The following HERC2 variants were observed in gnomAD, a reference collection of about 807,000 sequenced individuals.
HERC2 encodes HECT and RLD domain containing E3 ubiquitin protein ligase 2, also known as E3 ubiquitin-protein ligase HERC2.
A neutral mutation model predicts 537.7 loss-of-function variants in HERC2; 102 were observed. That is an observed-to-expected ratio of 0.19 (90% CI 0.16 to 0.22). The LOEUF (loss-of-function observed/expected upper bound fraction) is 0.22, where lower values mean the gene tolerates loss of function less well. Ranked by LOEUF, HERC2 falls within the 10% of genes least tolerant of loss-of-function variation. The pLI, the probability that HERC2 is intolerant of heterozygous loss-of-function variation, is 1.00. For missense variants in HERC2, 4,236 were observed against 6,198.2 expected, an observed-to-expected ratio of 0.68 and a Z score of 10.63; for synonymous variants, 2,224 against 2,466.2, an observed-to-expected ratio of 0.90 and a Z score of 2.91.
intron 5 of HERC2, among the ~76,000 whole-genome samples, chr15:28,275,644 GA>G (rs957576554): frequency 6.6e-6 from 1 of 152,124 alleles, no homozygotes; most frequent in African/African-American, 2.4e-5. Flanking sequence ...GTACAAGAGA[GA>G]AAAGGCTAGA....
At chr15:28,303,379 C>T (rs1596445450) in intron 2 of HERC2, among the ~76,000 whole-genome samples, 1 of 152,086 alleles carries the variant, frequency 6.6e-6, no homozygotes, top group Admixed American at 6.5e-5. Context: ...TGTTTTTATA[C>T]CAGTACCATG....
intron 69 of HERC2, among the ~76,000 whole-genome samples, chr15:28,155,447 C>T (rs571123054): frequency 9.2e-5 from 14 of 152,168 alleles, no homozygotes; most frequent in Non-Finnish European, 1.5e-4. Flanking sequence ...GACTTTTTAA[C>T]GATCGCCATT....
In HERC2 at chr15:28,310,949, C is replaced by T. The variant is rs182260337; in HGVS notation, c.72+10413G>A. 1.5e-3 allele frequency among the ~76,000 whole-genome samples: 231 copies of T among 151,938 alleles called. 3 individuals are homozygous for T. Among genetic ancestry groups the T allele is most frequent in the African/African-American group, 5.2e-3 (216 of 41,460 alleles). ...AAAATTAGCCAGGTGAGGTGGCACG[C>T]ACCTATAGTCCCAGCTACTCGGGAG... On this transcript the variant is annotated intron_variant, in intron 2 of 92. Coordinates refer to ENST00000261609, the MANE Select transcript of HERC2 (RefSeq NM_004667.6).
At chr15:28,317,779 A>G (rs1320983201) in intron 2 of HERC2, among the ~76,000 whole-genome samples, 1 of 152,236 alleles carries the variant, frequency 6.6e-6, no homozygotes, top group Non-Finnish European at 1.5e-5. Context: ...CATTGTACCA[A>G]CTTCAATTTC....
rs140684385 is a variant in HERC2, at chr15:28,285,548, G to A, written c.323-5261C>T. Among the ~76,000 whole-genome samples the A allele has an allele frequency of 1.1e-4, 16 of 151,920 alleles. No individual in the cohort carries two copies. The East Asian group carries it at 3.1e-3, about 29-fold the overall frequency. On this transcript the variant is annotated intron_variant, in intron 4 of 92. Transcript: ENST00000261609. ...AAATGCATGGGAAAGAGCTACAGTG[G>A]GTGATGAGAAATTTACAGCACTAAA... is the stretch of plus-strand genomic sequence containing the variant.
chr15:28,188,271 G>A (rs1481735633), intron 55 of HERC2, among the ~76,000 whole-genome samples: 5 of 152,278 alleles, frequency 3.3e-5, no homozygotes, highest in East Asian at 1.9e-4. Context: ...GGCTGGGCAC[G>A]GTGGCTCACG....
At chr15:28,214,490 A>G (rs1313329430) in intron 40 of HERC2, among the ~76,000 whole-genome samples, 165 bp downstream of exon 40, 1 of 142,414 alleles carries the variant, frequency 7.0e-6, no homozygotes, top group Non-Finnish European at 1.5e-5. Flanking sequence ...ACGGCAGTAC[A>G]CCGCTCTTCA....
chr15:28,159,723 C>T (rs1186334260), intron 69 of HERC2, among the ~76,000 whole-genome samples: 1 of 152,246 alleles, frequency 6.6e-6, no homozygotes, highest in Admixed American at 6.5e-5. Flanking sequence ...AAGCCTTCCT[C>T]TCTCAGCTCA....
chr15:28,291,440 G>GA (rs1440487555), intron 4 of HERC2, among the ~76,000 whole-genome samples: 1 of 151,394 alleles, frequency 6.6e-6, no homozygotes, highest in Non-Finnish European at 1.5e-5. Context: ...TCCATGCAAG[G>GA]AAAAAAAACC....
At chr15:28,123,979 G>A in intron 85 of HERC2, 58 bp downstream of exon 85, 1 of 1,355,274 alleles carries the variant, frequency 7.4e-7, no homozygotes, top group Non-Finnish European at 1.0e-6. Flanking sequence ...GAATTCTATT[G>A]GGTTACATGT....
At chr15:28,317,997 C>T (rs935411072) in intron 2 of HERC2, among the ~76,000 whole-genome samples, 3 of 152,176 alleles carry the variant, frequency 2.0e-5, no homozygotes, top group Admixed American at 1.3e-4. Flanking sequence ...GTAGGAAATT[C>T]ATCTGAGTGC....
chr15:28,223,861 AAC>A (rs1900792749), intron 35 of HERC2, among the ~76,000 whole-genome samples: 1 of 152,132 alleles, frequency 6.6e-6, no homozygotes, highest in African/African-American at 2.4e-5. Flanking sequence ...ATGAAATTTA[AAC>A]ACATGAATAC....
At chr15:28,130,079 C>T (rs926158756) in intron 83 of HERC2, 84 bp downstream of exon 83, 32 of 1,540,612 alleles carry the variant, frequency 2.1e-5, no homozygotes, top group Non-Finnish European at 2.7e-5. Flanking sequence ...GGCCTGTGCC[C>T]CCTTTTAAGG....
At chr15:28,226,255 T>G (rs1901152073) in intron 35 of HERC2, among the ~76,000 whole-genome samples, 1 of 152,140 alleles carries the variant, frequency 6.6e-6, no homozygotes, top group South Asian at 2.1e-4. Context: ...CCCAATGGTC[T>G]TTTTTGCAGA....
intron 21 of HERC2, 80 bp downstream of exon 21, chr15:28,248,472 T>C: frequency 1.9e-6 from 2 of 1,034,968 alleles, no homozygotes; most frequent in Non-Finnish European, 2.9e-6. Flanking sequence ...CATCTGGGCA[T>C]ATAGGATGGA....
chr15:28,211,838 A>C (rs1379257905), intron 43 of HERC2, among the ~76,000 whole-genome samples: 1 of 152,206 alleles, frequency 6.6e-6, no homozygotes, highest in African/African-American at 2.4e-5. Flanking sequence ...CTGTGGGAGC[A>C]AGAGGGGAGA....
rs1005319325 is a variant in HERC2, at chr15:28,117,463, G to T, written c.13273-309C>A. ...ACACCACCACCACGTCCACAGCTGC[G>T]GCCCGGCAGCACCACCCTGGCACGG... On this transcript the variant is annotated intron_variant, in intron 86 of 92. Transcript: ENST00000261609. 7.7e-6 allele frequency: 5 copies of T among 648,358 alleles called. No individual in the cohort carries two copies. In the African/African-American group the frequency reaches 8.9e-5, roughly 12 times the overall value. The allele number at this position is 648,358 out of a possible 1,614,324, so 40.2% of individuals were successfully genotyped here. A position where few individuals can be genotyped will look rare whatever the true frequency, so the allele number is the denominator to read the frequency against.
At chr15:28,249,580 G>A (rs1904071771) in intron 20 of HERC2, among the ~76,000 whole-genome samples, 1 of 152,126 alleles carries the variant, frequency 6.6e-6, no homozygotes, top group South Asian at 2.1e-4. Context: ...CAGGCTGTGG[G>A]ACCAGAGTCT....
intron 4 of HERC2, among the ~76,000 whole-genome samples, chr15:28,281,604 C>T (rs1211910518): frequency 1.3e-5 from 2 of 152,192 alleles, no homozygotes; most frequent in African/African-American, 4.8e-5. Flanking sequence ...CTCACCACTC[C>T]CTGGAAAGGC....
Sources: gnomAD v4.1 joint callset for allele counts (sites outside exome capture counted in the v4.1 genomes callset) on GRCh38, gnomAD v4.1.1 for gene constraint, MANE v1.5 for transcripts, NCBI Gene and HGNC (gene_info 2026-07-23, HGNC 2026-07-21) for gene names.